Variants in DOCK3 observed in about 807,000 individuals in gnomAD.
DOCK3 encodes dedicator of cytokinesis 3.
DOCK3 carries 60 observed loss-of-function variants against 265.6 expected under a neutral mutation model. The ratio of observed to expected loss-of-function variants is 0.23; its 90% CI spans 0.18 to 0.28. DOCK3 has a LOEUF of 0.28. Among genes scored for constraint, DOCK3 ranks in the 10% least tolerant of loss-of-function variants. DOCK3 has a pLI of 1.00. For missense variants in DOCK3, 1,981 were observed against 2,594.3 expected, an observed-to-expected ratio of 0.76 and a Z score of 5.14; for synonymous variants, 881 against 938.0, an observed-to-expected ratio of 0.94 and a Z score of 1.11.
chr3:50,744,595 G>A (rs545027428), intron 1 of DOCK3, among the ~76,000 whole-genome samples: 1 of 152,158 alleles, frequency 6.6e-6, no homozygotes, highest in South Asian at 2.1e-4. Context: ...CACCACACCT[G>A]GCTAATTTTT....
intron 35 of DOCK3, among the ~76,000 whole-genome samples, chr3:51,335,662 T>C (rs1351412426): frequency 6.6e-6 from 1 of 152,248 alleles, no homozygotes; most frequent in African/African-American, 2.4e-5. Context: ...ACTCTTTTCC[T>C]CTGCCTCAAT....
chr3:51,128,299 G>C (rs2084356045), intron 9 of DOCK3, among the ~76,000 whole-genome samples: 1 of 152,112 alleles, frequency 6.6e-6, no homozygotes, highest in South Asian at 2.1e-4. Context: ...CCATACATTG[G>C]ATTTTGATTC....
At chr3:51,348,067 C>T (rs907840029) in intron 38 of DOCK3, among the ~76,000 whole-genome samples, 1 of 152,162 alleles carries the variant, frequency 6.6e-6, no homozygotes, top group Admixed American at 6.5e-5. Flanking sequence ...TCTAAGTATA[C>T]AATCATGTCA....
intron 22 of DOCK3, among the ~76,000 whole-genome samples, chr3:51,250,569 A>G (rs1221617779): frequency 6.6e-6 from 1 of 152,220 alleles, no homozygotes; most frequent in Non-Finnish European, 1.5e-5. Context: ...CAGTGAACCA[A>G]GATTGTGCCG....
At chr3:51,206,746 C>A (rs1299307962) in intron 12 of DOCK3, among the ~76,000 whole-genome samples, 4 of 152,006 alleles carry the variant, frequency 2.6e-5, no homozygotes, top group Non-Finnish European at 4.4e-5. Flanking sequence ...GAAGGGTGGC[C>A]ATATGACCAA....
At chr3:50,720,199 C>G (rs1212450783) in intron 1 of DOCK3, among the ~76,000 whole-genome samples, 2 of 151,806 alleles carry the variant, frequency 1.3e-5, no homozygotes, top group Non-Finnish European at 2.9e-5. Flanking sequence ...AGGTAAATTG[C>G]GTGTTATGGA....
chr3:51,288,516 T>C (rs941946522), intron 27 of DOCK3, among the ~76,000 whole-genome samples: 2 of 151,994 alleles, frequency 1.3e-5, no homozygotes, highest in African/African-American at 4.8e-5. Flanking sequence ...GCTGGGGCAG[T>C]ATAATAATCT....
chr3:51,371,230 G>A (rs1473266955), intron 49 of DOCK3, among the ~76,000 whole-genome samples: 2 of 152,202 alleles, frequency 1.3e-5, no homozygotes, highest in Non-Finnish European at 2.9e-5. Flanking sequence ...CTGTCACAAT[G>A]GCCAAACTCC....
intron 5 of DOCK3, among the ~76,000 whole-genome samples, chr3:50,935,675 T>C (rs2051320308): frequency 6.6e-6 from 1 of 152,152 alleles, no homozygotes; most frequent in African/African-American, 2.4e-5. Flanking sequence ...CCTGCTAAAA[T>C]GAGGCAGTGC....
Position 51,312,511 on chromosome 3 carries a change from C to T in DOCK3, c.3129C>T (p.Phe1043=). The T allele has an allele frequency of 2.5e-6, 4 of 1,606,922 alleles. No individual in the cohort carries two copies. Among genetic ancestry groups the T allele is most frequent in the Non-Finnish European group, 3.4e-6 (4 of 1,178,488 alleles). ...WNSYFSLAVL[F]INQPSLQLEI... is the part of the protein sequence containing the mutation. ...CTTACTTTAGCCTGGCAGTTCTATT[C>T]ATAAATCAGCCAAGCCTTCAGCTAG... Residue 1043 remains phenylalanine (F), a synonymous_variant, in exon 30 of 53, where the codon TTC becomes TTT. Coordinates refer to ENST00000266037, the MANE Select transcript of DOCK3 (RefSeq NM_004947.5).
chr3:50,920,948 G>T (rs938717140), intron 4 of DOCK3, among the ~76,000 whole-genome samples: 1 of 152,218 alleles, frequency 6.6e-6, no homozygotes, highest in Admixed American at 6.5e-5. Flanking sequence ...GGTATGTTAT[G>T]TCTTTGTTCT....
intron 5 of DOCK3, among the ~76,000 whole-genome samples, chr3:50,986,022 A>G (rs1302361036): frequency 6.6e-6 from 1 of 152,006 alleles, no homozygotes; most frequent in Non-Finnish European, 1.5e-5. Context: ...ATCTATTTAT[A>G]TATTGTCACT....
chr3:50,743,530 C>T (rs1040909508), intron 1 of DOCK3, among the ~76,000 whole-genome samples: 6 of 149,602 alleles, frequency 4.0e-5, no homozygotes, highest in African/African-American at 1.5e-4. Context: ...CAAAAAAAGG[C>T]AGGGGTTGCA....
intron 9 of DOCK3, among the ~76,000 whole-genome samples, chr3:51,129,495 G>A (rs559718315): frequency 2.0e-5 from 3 of 152,150 alleles, no homozygotes; most frequent in Non-Finnish European, 4.4e-5. Flanking sequence ...ACCTGCTCAA[G>A]CCTGATCATG....
intron 3 of DOCK3, among the ~76,000 whole-genome samples, chr3:50,889,790 A>G (rs2048556484): frequency 6.6e-6 from 1 of 151,988 alleles, no homozygotes; most frequent in Admixed American, 6.6e-5. Context: ...TTAAAGTTTT[A>G]TTTTTGCAGT....
At chr3:50,687,379 A>G (rs781606645) in intron 1 of DOCK3, among the ~76,000 whole-genome samples, 3 of 152,218 alleles carry the variant, frequency 2.0e-5, no homozygotes, top group African/African-American at 7.2e-5. Flanking sequence ...ATGTCACACA[A>G]GTAAGCAGTT....
intron 1 of DOCK3, among the ~76,000 whole-genome samples, chr3:50,759,769 T>G (rs1576354443): frequency 6.7e-6 from 1 of 148,910 alleles, no homozygotes; most frequent in Admixed American, 6.8e-5. Context: ...GAGGTGGGAG[T>G]ATTGCCTGAG....
chr3:51,305,728 G>GTGCA (rs1431131182), intron 27 of DOCK3, among the ~76,000 whole-genome samples: 1 of 44,758 alleles, frequency 2.2e-5, no homozygotes, highest in Non-Finnish European at 4.6e-5. Context: ...GTGTGTGTGT[G>GTGCA]TGTGCGCGTG....
In DOCK3 at chr3:50,750,992, T is replaced by C. The variant is rs149346669; in HGVS notation, c.38-27683T>C. 5.6e-3 allele frequency among the ~76,000 whole-genome samples: 851 copies of C among 152,332 alleles called. 9 individuals are homozygous for C. Among genetic ancestry groups the C allele is most frequent in the African/African-American group, 0.018 (744 of 41,584 alleles). On this transcript the variant is annotated intron_variant, in intron 1 of 52. Transcript: ENST00000266037. ...ACAATGTAGAATTAATTTATTGGAA[T>C]AGCTTCTCATTTAATGTAATAAAAT...
Sources: allele counts gnomAD v4.1 joint callset (sites outside exome capture counted in the v4.1 genomes callset), GRCh38; gene constraint gnomAD v4.1.1; transcripts MANE v1.5; gene names NCBI Gene and HGNC (gene_info 2026-07-23, HGNC 2026-07-21).